DENND1A: variants seen among roughly 807,000 people sequenced by gnomAD.
DENND1A encodes DENN domain-containing protein 1A.
DENND1A carries 51 observed loss-of-function variants against 113.7 expected under a neutral mutation model. That is an observed-to-expected ratio of 0.45 (90% CI 0.36 to 0.57). DENND1A has a LOEUF of 0.57. Among genes scored for constraint, DENND1A ranks in the 20% least tolerant of loss-of-function variants. The pLI is 0.00. For synonymous variants in DENND1A, 565 were observed against 570.8 expected (o/e 0.99, Z 0.14); for missense variants, 1,258 against 1,395.9 (o/e 0.90, Z 1.57).
intron 11 of DENND1A, among the ~76,000 whole-genome samples, chr9:123,599,601 C>A (rs2059857344): frequency 6.6e-6 from 1 of 152,180 alleles, no homozygotes; most frequent in African/African-American, 2.4e-5. Flanking sequence ...CACACACCCA[C>A]AGAAGCTCAG....
chr9:123,657,819 A>T (rs928626638), intron 8 of DENND1A, among the ~76,000 whole-genome samples: 1 of 151,854 alleles, frequency 6.6e-6, no homozygotes, highest in Non-Finnish European at 1.5e-5. Context: ...AAAGGGAATT[A>T]TAAATTTGGA....
chr9:123,588,306 T>A (rs12345067), intron 11 of DENND1A, among the ~76,000 whole-genome samples: 10,054 of 113,814 alleles, frequency 0.088, 456 homozygotes, highest in African/African-American at 0.12. Context: ...AAAAAAAAAA[T>A]TATAGATGCC....
intron 9 of DENND1A, among the ~76,000 whole-genome samples, chr9:123,645,618 C>G (rs905563917): frequency 6.6e-6 from 1 of 152,162 alleles, no homozygotes; most frequent in East Asian, 1.9e-4. Flanking sequence ...ACAAGGAGAA[C>G]CCCACCTCCT....
chr9:123,900,153 G>A (rs1361209239), intron 1 of DENND1A, among the ~76,000 whole-genome samples: 1 of 152,188 alleles, frequency 6.6e-6, no homozygotes, highest in Admixed American at 6.5e-5. Context: ...CACATGATTT[G>A]GGGATTATCA....
rs906135632 is a variant in DENND1A, at chr9:123,652,217, G to A, written c.508-94C>T. On this transcript the variant is annotated intron_variant, in intron 8 of 23. Transcript: ENST00000394215. ...GAGCATAAGAAACATAAAATAATCAGAAAGTATACTCTGTTCTTTCCCTGT... is the reference window on the plus strand; with the variant it reads ...GAGCATAAGAAACATAAAATAATCAAAAAGTATACTCTGTTCTTTCCCTGT... 10 of 1,059,874 alleles carry A rather than the reference G, an allele frequency of 9.4e-6. No individual in the cohort carries two copies. The African/African-American group carries it at 1.6e-4, about 17-fold the overall frequency. 65.7% of individuals were successfully genotyped at this position (1,059,874 alleles called of 1,614,324 possible).
Position 123,711,486 on chromosome 9 carries a change from A to AAT in DENND1A, c.303-34699_303-34698dup, listed in dbSNP as rs57675116. Reference sequence around the variant, plus strand: ...ATCTCAAAATAATAATAAATTAAAAAATATATATATATATATATGTATATA... The same window carrying AAT: ...ATCTCAAAATAATAATAAATTAAAAAATATATATATATATATATATGTATATA... On this transcript the variant is annotated intron_variant, in intron 5 of 23. Transcript: ENST00000394215. 5.4e-3 allele frequency among the ~76,000 whole-genome samples: 554 copies of AAT among 101,734 alleles called. 6 individuals are homozygous for AAT. Among genetic ancestry groups the AAT allele is most frequent in the East Asian group, 0.027 (94 of 3,538 alleles). The allele number at this position is 101,734 out of a possible 152,430, so 66.7% of individuals were successfully genotyped here. A position where few individuals can be genotyped will look rare whatever the true frequency, so the allele number is the denominator to read the frequency against.
At chr9:123,860,642 T>C (rs1019373060) in intron 2 of DENND1A, among the ~76,000 whole-genome samples, 1 of 152,240 alleles carries the variant, frequency 6.6e-6, no homozygotes, top group Non-Finnish European at 1.5e-5. Context: ...CCCTCATTTT[T>C]CACAGCTTCC....
chr9:123,563,740 T>C (rs2057894896), intron 12 of DENND1A, among the ~76,000 whole-genome samples: 1 of 152,202 alleles, frequency 6.6e-6, no homozygotes, highest in South Asian at 2.1e-4. Context: ...GGCTCCCTAC[T>C]GTGAATATAA....
intron 13 of DENND1A, among the ~76,000 whole-genome samples, chr9:123,505,222 T>C (rs562951625): frequency 1.3e-5 from 2 of 152,252 alleles, no homozygotes; most frequent in African/African-American, 4.8e-5. Flanking sequence ...CAAGTACAAA[T>C]GCTTCTAGGA....
chr9:123,825,786 CCT>C (rs1172723322), intron 2 of DENND1A, among the ~76,000 whole-genome samples: 1 of 152,216 alleles, frequency 6.6e-6, no homozygotes, highest in Non-Finnish European at 1.5e-5. Flanking sequence ...ATTTTTCACC[CCT>C]CTTTCCTGGA....
intron 11 of DENND1A, among the ~76,000 whole-genome samples, chr9:123,608,133 C>G (rs920289828): frequency 1.3e-5 from 2 of 152,144 alleles, no homozygotes; most frequent in South Asian, 2.1e-4. Flanking sequence ...GTGCTTAGGG[C>G]TGGGTGATGA....
chr9:123,875,862 A>G lies in DENND1A; in HGVS notation c.88+3089T>C, dbSNP rs577851684. On this transcript the variant is annotated intron_variant, in intron 2 of 23. Coordinates refer to ENST00000394215, the MANE Select transcript of DENND1A (RefSeq NM_001352964.2). ...TGCCCTGTGGAAAGGGCACTGGTAG[A>G]GGAGGGACAAAGCAGATCCTTCTAA... Among the ~76,000 whole-genome samples the G allele has an allele frequency of 6.6e-5, 10 of 152,296 alleles. No homozygotes were observed. The South Asian group carries it at 1.4e-3, about 22-fold the overall frequency.
At chr9:123,918,203 G>C (rs540009226) in intron 1 of DENND1A, among the ~76,000 whole-genome samples, 49 of 150,806 alleles carry the variant, frequency 3.2e-4, no homozygotes, top group African/African-American at 1.1e-3. Flanking sequence ...ATTCCCACTG[G>C]ACAGGCCGGG....
chr9:123,885,521 T>C (rs931791552), intron 1 of DENND1A, among the ~76,000 whole-genome samples: 1 of 152,250 alleles, frequency 6.6e-6, no homozygotes, highest in Non-Finnish European at 1.5e-5. Context: ...CTTACACCTA[T>C]TACTCTGTAA....
chr9:123,832,229 TAAC>T (rs1257033270), intron 2 of DENND1A, among the ~76,000 whole-genome samples: 4 of 152,064 alleles, frequency 2.6e-5, no homozygotes, highest in African/African-American at 9.7e-5. Flanking sequence ...TCCTTAAAAA[TAAC>T]AACAAAACAA....
intron 5 of DENND1A, among the ~76,000 whole-genome samples, chr9:123,756,761 GTCTTT>G (rs2070590475): frequency 6.6e-6 from 1 of 152,220 alleles, no homozygotes; most frequent in African/African-American, 2.4e-5. Context: ...CAGTGGGGGA[GTCTTT>G]TCTTGATGAG....
intron 13 of DENND1A, among the ~76,000 whole-genome samples, chr9:123,503,098 A>G (rs143472020): frequency 9.2e-5 from 14 of 152,284 alleles, no homozygotes; most frequent in African/African-American, 3.4e-4. Context: ...GGTGCTTCAC[A>G]TAATACCTGG....
intron 13 of DENND1A, among the ~76,000 whole-genome samples, chr9:123,530,307 C>T (rs2772212): frequency 0.83 from 126,759 of 151,996 alleles, 52,955 homozygotes; most frequent in East Asian, 0.95. Flanking sequence ...TCAGAGTTCC[C>T]GGAGAGAAAA....
chr9:123,518,165 A>G (rs373765125), intron 13 of DENND1A, among the ~76,000 whole-genome samples: 1 of 152,220 alleles, frequency 6.6e-6, no homozygotes, highest in Admixed American at 6.5e-5. Context: ...AAAGGACCTT[A>G]TAAGTAGGAA....
Sources: allele counts gnomAD v4.1 joint callset (sites outside exome capture counted in the v4.1 genomes callset), GRCh38; gene constraint gnomAD v4.1.1; transcripts MANE v1.5; gene names NCBI Gene and HGNC (gene_info 2026-07-23, HGNC 2026-07-21).